NCOA3: variants seen among roughly 807,000 people sequenced by gnomAD.
NCOA3 encodes nuclear receptor coactivator 3.
In NCOA3, 51 loss-of-function variants were observed where a neutral mutation model predicts 158.8. The ratio of observed to expected loss-of-function variants is 0.32; its 90% CI spans 0.26 to 0.41. NCOA3 has a LOEUF of 0.41. NCOA3 is among the 10% of genes least tolerant of loss of function. The pLI, the probability that NCOA3 is intolerant of heterozygous loss-of-function variation, is 1.00. For missense variants in NCOA3, 1,510 were observed against 1,746.6 expected (o/e 0.86, Z 2.41); for synonymous variants, 537 against 592.4 (o/e 0.91, Z 1.36).
intron 1 of NCOA3, among the ~76,000 whole-genome samples, chr20:47,555,939 G>A (rs1568679434): frequency 1.4e-5 from 2 of 146,698 alleles, no homozygotes; most frequent in African/African-American, 5.0e-5. Flanking sequence ...ACTGCACCCA[G>A]CCTTTTTTTT....
In NCOA3 at chr20:47,526,473, T is replaced by A. The variant is rs377047339; in HGVS notation, c.-99+24454T>A. 1.8e-4 allele frequency among the ~76,000 whole-genome samples: 28 copies of A among 152,260 alleles called. 1 individual carries two copies. The East Asian group carries it at 4.4e-3, about 24-fold the overall frequency. On this transcript the variant is annotated intron_variant, in intron 1 of 22. Transcript: ENST00000371998. ...CACTGCACTCCAGCCTGGGCACCAT[T>A]GAGCACTGAGTGAACGAGACTCCGT...
chr20:47,554,740 C>T (rs1434921713), intron 1 of NCOA3, among the ~76,000 whole-genome samples: 1 of 151,990 alleles, frequency 6.6e-6, no homozygotes, highest in Non-Finnish European at 1.5e-5. Flanking sequence ...GTTCCATGCT[C>T]GTGGGTAGGA....
intron 2 of NCOA3, among the ~76,000 whole-genome samples, chr20:47,617,354 G>T (rs576457065): frequency 2.0e-5 from 3 of 152,162 alleles, no homozygotes; most frequent in Non-Finnish European, 4.4e-5. Context: ...CTCCAAACTA[G>T]ATGGGTTGTA....
intron 2 of NCOA3, among the ~76,000 whole-genome samples, chr20:47,603,642 A>G (rs531838764): frequency 6.6e-6 from 1 of 152,348 alleles, no homozygotes; most frequent in South Asian, 2.1e-4. Context: ...GTTGGCTGTC[A>G]GTTGGATGGA....
intron 1 of NCOA3, among the ~76,000 whole-genome samples, chr20:47,523,875 C>T (rs915777590): frequency 2.0e-5 from 3 of 152,234 alleles, no homozygotes; most frequent in Non-Finnish European, 4.4e-5. Context: ...CCATGTATAA[C>T]CCTATTGCAA....
chr20:47,549,796 G>A (rs752069414), intron 1 of NCOA3, among the ~76,000 whole-genome samples: 2 of 152,038 alleles, frequency 1.3e-5, no homozygotes, highest in Non-Finnish European at 2.9e-5. Flanking sequence ...TACCTCCCAG[G>A]CTCAAGAAAT....
chr20:47,507,674 A>C (rs971095401), intron 1 of NCOA3, among the ~76,000 whole-genome samples: 4 of 152,196 alleles, frequency 2.6e-5, no homozygotes, highest in Admixed American at 2.6e-4. Flanking sequence ...GCTGGAGTGC[A>C]ATGGCACGAT....
chr20:47,542,013 T>TTTTGTTTTTTTTTTTG (rs773736730), intron 1 of NCOA3, among the ~76,000 whole-genome samples: 4 of 109,732 alleles, frequency 3.6e-5, no homozygotes, highest in South Asian at 6.0e-4. Context: ...TGTAGAGTTT[T>TTTTGTTTTTTTTTTTG]TTTTTTTTTT....
At position 47,606,574 on chromosome 20, in the gene NCOA3, C is replaced by T. The variant is rs930536484; in HGVS notation, c.-19-15655C>T. Among the ~76,000 whole-genome samples, 14 of 152,272 alleles carry T rather than the reference C, an allele frequency of 9.2e-5. 1 individual carries two copies. Among genetic ancestry groups the T allele is most frequent in the Non-Finnish European group, 2.1e-4 (14 of 68,020 alleles). ...TTCCCTTTTTTCCTTAAGTACCTTT[C>T]ACTGTACCCTTAAGTACTGTCGTTT... On this transcript the variant is annotated intron_variant, in intron 2 of 22. Transcript: ENST00000371998.
chr20:47,555,055 A>T (rs532686657), intron 1 of NCOA3, among the ~76,000 whole-genome samples: 1 of 152,212 alleles, frequency 6.6e-6, no homozygotes, highest in African/African-American at 2.4e-5. Context: ...ATAATGCTGC[A>T]TATCTACAAG....
intron 1 of NCOA3, among the ~76,000 whole-genome samples, chr20:47,514,427 G>A (rs1285404109): frequency 6.6e-6 from 1 of 151,804 alleles, no homozygotes; most frequent in Non-Finnish European, 1.5e-5. Flanking sequence ...GGTCTCTGTT[G>A]CCCAGGCTGC....
chr20:47,618,066 G>T (rs2086168507), intron 2 of NCOA3, among the ~76,000 whole-genome samples: 1 of 151,966 alleles, frequency 6.6e-6, no homozygotes, highest in Non-Finnish European at 1.5e-5. Flanking sequence ...GTGAAACCCT[G>T]TCTCTATTGA....
rs189567471 is a variant in NCOA3, at chr20:47,653,670, A to T, written c.*253A>T. ...AAACAGAAATGTTTTTTGGCATTCC[A>T]CCTCCTAGGGATATAATTCTGGAGA... On this transcript the variant is annotated 3_prime_UTR_variant, in exon 23 of 23. Coordinates refer to ENST00000371998, the MANE Select transcript of NCOA3 (RefSeq NM_181659.3). The T allele has an allele frequency of 1.4e-3, 683 of 493,184 alleles. No homozygotes were observed. Among genetic ancestry groups the T allele is most frequent in the Non-Finnish European group, 2.1e-3 (593 of 279,356 alleles). The allele number at this position is 493,184 out of a possible 1,614,324, so 30.6% of individuals were successfully genotyped here.
Position 47,551,355 on chromosome 20 carries a change from C to G in NCOA3, c.-98-31828C>G, listed in dbSNP as rs376295588. Among the ~76,000 whole-genome samples the G allele has an allele frequency of 2.6e-5, 4 of 152,166 alleles. 1 individual carries two copies. The highest frequency in any genetic ancestry group is 9.6e-5 in the African/African-American group (4 of 41,520). ...TTGGTACCTGTTTGTTGTCAGGCTC[C>G]GTGCTGGCTGTGTTGGTGATGTAAT... On this transcript the variant is annotated intron_variant, in intron 1 of 22. Coordinates refer to ENST00000371998, the MANE Select transcript of NCOA3 (RefSeq NM_181659.3).
intron 2 of NCOA3, among the ~76,000 whole-genome samples, chr20:47,591,335 A>G (rs972852428): frequency 1.3e-5 from 2 of 152,226 alleles, no homozygotes; most frequent in Non-Finnish European, 2.9e-5. Context: ...TCAGTAGTTC[A>G]TTGCCCAGAG....
rs1295857576 is a variant in NCOA3 at position 47,639,064 on chromosome 20, T to A, written c.2569T>A (p.Ser857Thr). ...SIRPPYNRAV[S>T]LDSPVSVGSS... ...TCGTCCTCCATATAACCGAGCAGTG[T>A]CTCTGGATAGCCCTGTTTCTGTTGG... Residue 857 changes from serine (S) to threonine (T), a missense_variant, in exon 14 of 23, where the codon TCT (serine) becomes ACT (threonine). Ser to Thr is a moderately conservative substitution (Grantham distance 58, BLOSUM62 1). Coordinates refer to ENST00000371998, the MANE Select transcript of NCOA3 (RefSeq NM_181659.3). 3.7e-6 allele frequency: 6 copies of A among 1,614,180 alleles called. No homozygotes were observed. The South Asian group carries it at 6.6e-5, about 18-fold the overall frequency.
At chr20:47,573,061 A>G (rs2085318525) in intron 1 of NCOA3, among the ~76,000 whole-genome samples, 1 of 152,202 alleles carries the variant, frequency 6.6e-6, no homozygotes, top group Non-Finnish European at 1.5e-5. Flanking sequence ...ATATGAGCAC[A>G]GTGCATGGTG....
chr20:47,649,660 T>C (rs434258), intron 19 of NCOA3, among the ~76,000 whole-genome samples: 69,040 of 151,852 alleles, frequency 0.45, 16,174 homozygotes, highest in Middle Eastern at 0.62. Context: ...CAATCCTCTA[T>C]TGTGATTTGA....
At chr20:47,514,701 T>G (rs2146063487) in intron 1 of NCOA3, among the ~76,000 whole-genome samples, 2 of 150,312 alleles carry the variant, frequency 1.3e-5, no homozygotes, top group East Asian at 3.9e-4. Flanking sequence ...GTTTGTTTTG[T>G]TTTGTTTTTT....
Sources: allele counts gnomAD v4.1 joint callset (sites outside exome capture counted in the v4.1 genomes callset), GRCh38; gene constraint gnomAD v4.1.1; transcripts MANE v1.5; gene names NCBI Gene and HGNC (gene_info 2026-07-23, HGNC 2026-07-21).